ANKS1B: variants seen among roughly 807,000 people sequenced by gnomAD.
The protein encoded by ANKS1B is ankyrin repeat and sterile alpha motif domain containing 1B, also known as ankyrin repeat and sterile alpha motif domain-containing protein 1B.
ANKS1B carries 36 observed loss-of-function variants against 148.3 expected under a neutral mutation model. The observed-to-expected ratio is 0.24, with a 90% CI of 0.19 to 0.32. The LOEUF (loss-of-function observed/expected upper bound fraction) is 0.32, where lower values mean the gene tolerates loss of function less well. Among genes scored for constraint, ANKS1B ranks in the 10% least tolerant of loss-of-function variants. The probability of loss-of-function intolerance (pLI) is 1.00; values close to 1 mark genes in which losing one functional copy is unlikely to be tolerated. For synonymous variants in ANKS1B, 542 were observed against 560.8 expected (o/e 0.97, Z 0.47); for missense variants, 1,157 against 1,542.6 (o/e 0.75, Z 4.19).
At chr12:99,288,097 A>C (rs1040249499) in intron 12 of ANKS1B, among the ~76,000 whole-genome samples, 7 of 152,182 alleles carry the variant, frequency 4.6e-5, no homozygotes, top group Non-Finnish European at 8.8e-5. Flanking sequence ...AACCCAAAGA[A>C]GACTACTTTA....
intron 17 of ANKS1B, among the ~76,000 whole-genome samples, chr12:99,025,268 A>G (rs1350121666): frequency 1.3e-5 from 2 of 152,208 alleles, no homozygotes; most frequent in Non-Finnish European, 2.9e-5. Flanking sequence ...ATAGATTGAG[A>G]AAATGATTGA....
intron 17 of ANKS1B, among the ~76,000 whole-genome samples, chr12:99,051,365 A>C (rs976721568): frequency 2.0e-5 from 3 of 152,228 alleles, no homozygotes; most frequent in African/African-American, 7.2e-5. Context: ...TTCATGTGCT[A>C]CCTATTGTAA....
At chr12:99,568,200 G>T (rs2097417793) in intron 9 of ANKS1B, among the ~76,000 whole-genome samples, 2 of 152,184 alleles carry the variant, frequency 1.3e-5, no homozygotes, top group South Asian at 4.1e-4. Flanking sequence ...AGGAGAATCT[G>T]TTTTCTTGCC....
intron 12 of ANKS1B, among the ~76,000 whole-genome samples, chr12:99,302,313 T>G (rs1173220526): frequency 6.6e-6 from 1 of 152,158 alleles, no homozygotes; most frequent in East Asian, 1.9e-4. Flanking sequence ...TGCTATTTAC[T>G]AAAACATGCT....
chr12:99,873,122 T>C lies in ANKS1B; in HGVS notation c.135-47733A>G, dbSNP rs138857057. ...TGTGAAGATTAAATGCAATAATGCA[T>C]GTCAATCACTTAGCACTGTGTCTAA... On this transcript the variant is annotated intron_variant, in intron 1 of 26. Coordinates refer to ENST00000683438, the MANE Select transcript of ANKS1B (RefSeq NM_001352186.2). Among the ~76,000 whole-genome samples, 85 of 152,318 alleles carry C rather than the reference T, an allele frequency of 5.6e-4. 2 individuals carry two copies. In the East Asian group the frequency reaches 0.015, roughly 27 times the overall value.
intron 11 of ANKS1B, among the ~76,000 whole-genome samples, chr12:99,405,073 A>T (rs1453681437): frequency 6.9e-6 from 1 of 145,940 alleles, no homozygotes; most frequent in African/African-American, 2.6e-5. Flanking sequence ...TCAAACATGA[A>T]GGAGAAATAA....
chr12:99,809,883 C>T (rs924871306), intron 3 of ANKS1B, among the ~76,000 whole-genome samples: 5 of 152,116 alleles, frequency 3.3e-5, no homozygotes, highest in Admixed American at 6.6e-5. Flanking sequence ...GAAAAACCTG[C>T]GTTCAAACAC....
chr12:98,958,799 T>C (rs1430901643), intron 17 of ANKS1B, among the ~76,000 whole-genome samples: 2 of 152,216 alleles, frequency 1.3e-5, no homozygotes, highest in South Asian at 2.1e-4. Flanking sequence ...GAGATGCCTG[T>C]TCTGTTATTA....
chr12:99,861,237 T>C (rs576799319), intron 1 of ANKS1B, among the ~76,000 whole-genome samples: 1 of 152,352 alleles, frequency 6.6e-6, no homozygotes, highest in African/African-American at 2.4e-5. Flanking sequence ...AATCATTCTT[T>C]GCTCAAATTA....
At chr12:99,361,022 T>C (rs1271679682) in intron 12 of ANKS1B, among the ~76,000 whole-genome samples, 1 of 151,974 alleles carries the variant, frequency 6.6e-6, no homozygotes, top group East Asian at 1.9e-4. Flanking sequence ...TAATAGAAAG[T>C]ATGAAGAAGA....
At chr12:99,519,788 T>C (rs986374970) in intron 9 of ANKS1B, among the ~76,000 whole-genome samples, 2 of 152,262 alleles carry the variant, frequency 1.3e-5, no homozygotes, top group Admixed American at 6.5e-5. Context: ...TCTGGTGCTA[T>C]GATTTAATTT....
chr12:99,780,337 G>A lies in ANKS1B; in HGVS notation c.746-365C>T, dbSNP rs534862228. The stretch of plus-strand genomic sequence containing the variant: ...GTTGCCCAGGCTGGAGTGCAGTGGC[G>A]CGATCTCGGCTCACTGCAAGCTCCG... On this transcript the variant is annotated intron_variant, in intron 5 of 26. Transcript: ENST00000683438. Among the ~76,000 whole-genome samples, 21 of 151,928 alleles carry A rather than the reference G, an allele frequency of 1.4e-4. 1 individual carries two copies. The highest frequency in any genetic ancestry group is 8.3e-4 in the South Asian group (4 of 4,806).
At position 99,723,165 on chromosome 12, in the gene ANKS1B, T is replaced by G. The variant is rs559663892; in HGVS notation, c.1128+49757A>C. Among the ~76,000 whole-genome samples the G allele has an allele frequency of 3.3e-4, 51 of 152,256 alleles. 1 individual carries two copies. The highest frequency in any genetic ancestry group is 1.2e-3 in the African/African-American group (51 of 41,560). On this transcript the variant is annotated intron_variant, in intron 8 of 26. Coordinates refer to ENST00000683438, the MANE Select transcript of ANKS1B (RefSeq NM_001352186.2). ...GGGGAGGGGCGACTAGCACCACAGTTGCGGCTGCCTGTTGTTTAAGCCATT... is the reference window on the plus strand; with the variant it reads ...GGGGAGGGGCGACTAGCACCACAGTGGCGGCTGCCTGTTGTTTAAGCCATT...
At chr12:99,101,037 G>A (rs1376232349) in intron 15 of ANKS1B, among the ~76,000 whole-genome samples, 2 of 152,176 alleles carry the variant, frequency 1.3e-5, no homozygotes, top group African/African-American at 4.8e-5. Context: ...GTTGCAGCAT[G>A]AACAAGGGCA....
At chr12:99,073,810 A>T (rs556041913) in intron 16 of ANKS1B, among the ~76,000 whole-genome samples, 1 of 152,316 alleles carries the variant, frequency 6.6e-6, no homozygotes, top group South Asian at 2.1e-4. Context: ...TTTCACAAAC[A>T]CACAAGCAAC....
chr12:99,856,029 C>T (rs988427272), intron 1 of ANKS1B, among the ~76,000 whole-genome samples: 4 of 152,016 alleles, frequency 2.6e-5, no homozygotes, highest in Admixed American at 2.0e-4. Flanking sequence ...GCAACCAAAC[C>T]AAACCCAGCA....
intron 9 of ANKS1B, among the ~76,000 whole-genome samples, chr12:99,529,252 G>A (rs534761194): frequency 2.0e-5 from 3 of 152,314 alleles, no homozygotes; most frequent in Admixed American, 2.0e-4. Context: ...GAAGTGGAAT[G>A]TAGTTCACCA....
At chr12:99,255,709 C>G (rs2075176339) in intron 12 of ANKS1B, among the ~76,000 whole-genome samples, 1 of 152,002 alleles carries the variant, frequency 6.6e-6, no homozygotes, top group South Asian at 2.1e-4. Flanking sequence ...ATGGCATCTC[C>G]TTTAACTCAT....
chr12:99,336,336 G>T (rs2088858344), intron 12 of ANKS1B, among the ~76,000 whole-genome samples: 1 of 151,972 alleles, frequency 6.6e-6, no homozygotes, highest in African/African-American at 2.4e-5. Context: ...TCTTCACTTT[G>T]TTATTTCCTT....
Sources: allele counts gnomAD v4.1 joint callset (sites outside exome capture counted in the v4.1 genomes callset), GRCh38; gene constraint gnomAD v4.1.1; transcripts MANE v1.5; gene names NCBI Gene and HGNC (gene_info 2026-07-23, HGNC 2026-07-21).